Variants in ASTN2 observed in about 807,000 individuals in gnomAD.
The protein encoded by ASTN2 is astrotactin 2.
A neutral mutation model predicts 139.8 loss-of-function variants in ASTN2; 54 were observed. That is an observed-to-expected ratio of 0.39 (90% CI 0.31 to 0.48). The LOEUF (loss-of-function observed/expected upper bound fraction) is 0.48, where lower values mean the gene tolerates loss of function less well. ASTN2 is among the 20% of genes least tolerant of loss of function. ASTN2 has a pLI of 0.95. For missense variants in ASTN2, 1,565 were observed against 1,725.1 expected (o/e 0.91, Z 1.64); for synonymous variants, 756 against 719.5 (o/e 1.05, Z -0.81).
chr9:117,411,600 G>A (rs1457704338), intron 1 of ASTN2, among the ~76,000 whole-genome samples: 1 of 152,148 alleles, frequency 6.6e-6, no homozygotes, highest in Admixed American at 6.5e-5. Context: ...TTACCTTGAG[G>A]TCCCCCACTG....
intron 2 of ASTN2, among the ~76,000 whole-genome samples, chr9:117,286,963 A>G (rs1834464985): frequency 6.6e-6 from 1 of 152,240 alleles, no homozygotes; most frequent in South Asian, 2.1e-4. Context: ...TAGAATCTCA[A>G]CTTCAGCACT....
chr9:116,815,312 G>A (rs1735203109), intron 12 of ASTN2, among the ~76,000 whole-genome samples: 1 of 152,120 alleles, frequency 6.6e-6, no homozygotes, highest in African/African-American at 2.4e-5. Context: ...TAGACAGAGA[G>A]GCTATTAAGG....
At chr9:117,159,168 T>C (rs1353023918) in intron 3 of ASTN2, among the ~76,000 whole-genome samples, 1 of 152,040 alleles carries the variant, frequency 6.6e-6, no homozygotes, top group African/African-American at 2.4e-5. Flanking sequence ...AATAGTGCCA[T>C]TTCCAATTAT....
Position 116,442,553 on chromosome 9 carries a change from C to T in ASTN2, c.3498G>A (p.Lys1166=). 1.2e-6 allele frequency: 2 copies of T among 1,613,962 alleles called. No homozygotes were observed. The highest frequency in any genetic ancestry group is 1.7e-6 in the Non-Finnish European group (2 of 1,179,910). Residue 1166 remains lysine (K), a splice_region_variant and synonymous_variant, in exon 21 of 23, where the codon AAG becomes AAA. Coordinates refer to ENST00000313400, the MANE Select transcript of ASTN2 (RefSeq NM_001365068.1). ...GTGTATCCACAGCATACAGAGTGAA[C>T]CTGCAGCACAGCAAGAAAACAGAGC... ...FKCLEPDGLY[K]FTLYAVDTRG...
chr9:116,428,077 C>T (rs571109441), intron 22 of ASTN2, among the ~76,000 whole-genome samples: 5 of 152,262 alleles, frequency 3.3e-5, no homozygotes, highest in South Asian at 4.1e-4. Flanking sequence ...GATGACAATA[C>T]GAATGACAAA....
At chr9:116,959,293 G>T (rs1016149051) in intron 10 of ASTN2, among the ~76,000 whole-genome samples, 3 of 152,192 alleles carry the variant, frequency 2.0e-5, no homozygotes, top group African/African-American at 7.2e-5. Context: ...GTTCTAGGCA[G>T]AAGGACAAGA....
At chr9:116,935,448 T>C (rs915693637) in intron 10 of ASTN2, among the ~76,000 whole-genome samples, 1 of 152,156 alleles carries the variant, frequency 6.6e-6, no homozygotes, top group Admixed American at 6.5e-5. Context: ...ACCTAGTATA[T>C]AGAAGACACT....
At chr9:117,164,700 AC>A (rs1240450449) in intron 3 of ASTN2, among the ~76,000 whole-genome samples, 1 of 152,006 alleles carries the variant, frequency 6.6e-6, no homozygotes, top group Non-Finnish European at 1.5e-5. Context: ...GGGATCTCTG[AC>A]TTCTCCATGG....
intron 13 of ASTN2, among the ~76,000 whole-genome samples, chr9:116,752,454 T>A (rs1377651454): frequency 2.6e-5 from 4 of 152,130 alleles, no homozygotes. Flanking sequence ...GGAGAAAAAT[T>A]TTAGTAACCT....
At chr9:117,184,233 T>C (rs1169042385) in intron 3 of ASTN2, among the ~76,000 whole-genome samples, 1 of 152,060 alleles carries the variant, frequency 6.6e-6, no homozygotes, top group Non-Finnish European at 1.5e-5. Context: ...GCATACTGCC[T>C]CCTCTCCCCT....
chr9:117,407,253 T>C (rs1329432367), intron 1 of ASTN2, among the ~76,000 whole-genome samples: 2 of 152,096 alleles, frequency 1.3e-5, no homozygotes, highest in Non-Finnish European at 2.9e-5. Flanking sequence ...ACTACTACAA[T>C]AGGGAGAGGG....
intron 3 of ASTN2, among the ~76,000 whole-genome samples, chr9:117,174,320 A>G (rs546664236): frequency 2.6e-5 from 4 of 152,160 alleles, no homozygotes; most frequent in Non-Finnish European, 4.4e-5. Context: ...ACTTAGAAAA[A>G]ATAAGTGAGT....
In ASTN2 at chr9:116,733,498, G is replaced by C; in HGVS notation, c.2422C>G (p.Pro808Ala). Residue 808 changes from proline (P) to alanine (A), a missense_variant, in exon 14 of 23, where the codon CCC (proline) becomes GCC (alanine). This residue lies in a region of ASTN2 where 503 missense variants were observed against 591.7 expected (regional missense o/e 0.85). Coordinates refer to ENST00000313400, the MANE Select transcript of ASTN2 (RefSeq NM_001365068.1). Reference sequence around the variant, plus strand: ...ACCAACAGCCCATCGGCCAGCTGGGGAAAGTCCTTGATGAAGTTGTTCTCC... The same window carrying C: ...ACCAACAGCCCATCGGCCAGCTGGGCAAAGTCCTTGATGAAGTTGTTCTCC... Reference protein sequence around the residue: ...FRENNFIKDFPQLADGLLVIP... With the variant: ...FRENNFIKDFAQLADGLLVIP... 1 of 1,614,202 alleles carries C rather than the reference G, an allele frequency of 6.2e-7. No individual in the cohort carries two copies. The highest frequency in any genetic ancestry group is 8.5e-7 in the Non-Finnish European group (1 of 1,180,030).
intron 1 of ASTN2, among the ~76,000 whole-genome samples, chr9:117,324,948 G>A (rs766624182): frequency 2.0e-5 from 3 of 152,110 alleles, no homozygotes; most frequent in Non-Finnish European, 4.4e-5. Flanking sequence ...GGAGTGCTAT[G>A]GGGAGAAATT....
At chr9:117,045,012 G>C (rs938080576) in intron 5 of ASTN2, among the ~76,000 whole-genome samples, 2 of 152,014 alleles carry the variant, frequency 1.3e-5, no homozygotes, top group Non-Finnish European at 2.9e-5. Context: ...CCTTTCCCCT[G>C]TATCACTACA....
chr9:116,485,061 A>G (rs1849295381), intron 20 of ASTN2, among the ~76,000 whole-genome samples: 1 of 152,210 alleles, frequency 6.6e-6, no homozygotes. Context: ...TAGATGCTGT[A>G]TCTCCTATCA....
chr9:117,079,500 G>C (rs1192923453), intron 5 of ASTN2, among the ~76,000 whole-genome samples: 1 of 152,158 alleles, frequency 6.6e-6, no homozygotes, highest in East Asian at 1.9e-4. Flanking sequence ...TGCAGATAGG[G>C]TTGGGAACCA....
chr9:117,048,351 C>T (rs937475185), intron 5 of ASTN2, among the ~76,000 whole-genome samples: 2 of 152,156 alleles, frequency 1.3e-5, no homozygotes, highest in Admixed American at 1.3e-4. Flanking sequence ...TGTCGCTCCT[C>T]CTTTCTCAGC....
chr9:116,788,375 G>A (rs145327126), intron 13 of ASTN2, among the ~76,000 whole-genome samples: 136 of 152,214 alleles, frequency 8.9e-4, no homozygotes, highest in Middle Eastern at 3.4e-3. Context: ...ATGTTTATTA[G>A]CTTGATTTAA....
Sources: gnomAD v4.1 joint callset for allele counts (sites outside exome capture counted in the v4.1 genomes callset) on GRCh38, gnomAD v4.1.1 for gene constraint, gnomAD v4.1.1 regional missense constraint, MANE v1.5 for transcripts, NCBI Gene and HGNC (gene_info 2026-07-23, HGNC 2026-07-21) for gene names.